The following WWP2 variants were observed in gnomAD, a reference collection of about 807,000 sequenced individuals.
WWP2 encodes the protein WW domain containing E3 ubiquitin protein ligase 2.
Under a neutral mutation model 121.0 loss-of-function variants are expected in WWP2, and 57 were observed. That is an observed-to-expected ratio of 0.47 (90% CI 0.38 to 0.59). The LOEUF (loss-of-function observed/expected upper bound fraction) is 0.59. Among genes scored for constraint, WWP2 ranks in the 20% least tolerant of loss-of-function variants. The pLI, the probability that WWP2 is intolerant of heterozygous loss-of-function variation, is 0.00. For synonymous variants in WWP2, 449 were observed against 441.3 expected (o/e 1.02, Z -0.22); for missense variants, 962 against 1,158.9 (o/e 0.83, Z 2.47).
At chr16:69,929,606 G>T (rs1463484753) in intron 12 of WWP2, 77 bp downstream of exon 12, 4 of 1,321,640 alleles carry the variant, frequency 3.0e-6, no homozygotes, top group Non-Finnish European at 4.3e-6. Flanking sequence ...GGTGGCTTTG[G>T]ACTGCATCGT....
chr16:69,885,194 T>C (rs927066975), intron 7 of WWP2, among the ~76,000 whole-genome samples: 2 of 152,074 alleles, frequency 1.3e-5, no homozygotes, highest in Non-Finnish European at 2.9e-5. Context: ...GTTTTCCTAA[T>C]AAATTTTAGA....
At chr16:69,861,645 C>CTTTTTTT (rs11390043) in intron 6 of WWP2, among the ~76,000 whole-genome samples, 1 of 136,080 alleles carries the variant, frequency 7.3e-6, no homozygotes, top group Non-Finnish European at 1.6e-5. Context: ...CCGCCCTCTC[C>CTTTTTTT]TTTTTTTTTT....
chr16:69,833,304 T>C (rs1351471896), intron 4 of WWP2, among the ~76,000 whole-genome samples: 1 of 152,252 alleles, frequency 6.6e-6, no homozygotes, highest in Non-Finnish European at 1.5e-5. Flanking sequence ...CTTTACAGTT[T>C]CCCACACTTT....
rs140801960 is a variant in WWP2 at position 69,812,240 on chromosome 16, A to C, written c.340+12945A>C. Among the ~76,000 whole-genome samples the C allele has an allele frequency of 7.1e-3, 929 of 130,086 alleles. 7 individuals carry two copies. Among genetic ancestry groups the C allele is most frequent in the African/African-American group, 0.026 (866 of 33,150 alleles). 85.3% of individuals were successfully genotyped at this position (130,086 alleles called of 152,430 possible). On this transcript the variant is annotated intron_variant, in intron 4 of 23. Transcript: ENST00000359154. ...GGAGTGCAATGACATGATCTTGGCT[A>C]ACTGCAACCTCTGCCTCCTGGTTCA...
chr16:69,784,955 G>T (rs375843246), intron 1 of WWP2, among the ~76,000 whole-genome samples: 1 of 151,744 alleles, frequency 6.6e-6, no homozygotes. Flanking sequence ...AGAAAGAGTG[G>T]TCGAGTGCAG....
intron 7 of WWP2, among the ~76,000 whole-genome samples, chr16:69,875,137 A>C (rs1424126728): frequency 6.6e-6 from 1 of 152,256 alleles, no homozygotes; most frequent in Non-Finnish European, 1.5e-5. Context: ...AATAAAGTGA[A>C]TATCACAAAA....
chr16:69,848,714 G>T (rs1346833738), intron 6 of WWP2, among the ~76,000 whole-genome samples: 1 of 149,902 alleles, frequency 6.7e-6, no homozygotes, highest in Non-Finnish European at 1.5e-5. Flanking sequence ...ATGTGTATAT[G>T]TATTTAAGCT....
At chr16:69,938,587 C>T (rs2058834142) in intron 21 of WWP2, among the ~76,000 whole-genome samples, 1 of 152,216 alleles carries the variant, frequency 6.6e-6, no homozygotes, top group African/African-American at 2.4e-5. Context: ...CACTGCTCTG[C>T]AGTGAGCTGG....
chr16:69,875,086 C>T (rs1249614659), intron 7 of WWP2, among the ~76,000 whole-genome samples: 1 of 151,704 alleles, frequency 6.6e-6, no homozygotes, highest in East Asian at 1.9e-4. Flanking sequence ...AAATTACAGA[C>T]ACACCTTCAA....
intron 2 of WWP2, among the ~76,000 whole-genome samples, chr16:69,790,415 C>G (rs1597669880): frequency 6.6e-6 from 1 of 152,022 alleles, no homozygotes; most frequent in East Asian, 1.9e-4. Context: ...GGTCTTCATC[C>G]TCATCATTTT....
intron 8 of WWP2, among the ~76,000 whole-genome samples, chr16:69,888,976 G>C (rs1268545643): frequency 6.6e-6 from 1 of 152,198 alleles, no homozygotes; most frequent in African/African-American, 2.4e-5. Context: ...AAAGTGCTGG[G>C]ATTACAGGCA....
intron 4 of WWP2, among the ~76,000 whole-genome samples, chr16:69,822,278 T>A (rs551994423): frequency 2.0e-5 from 3 of 152,286 alleles, no homozygotes; most frequent in African/African-American, 7.2e-5. Context: ...TGAGCCTTGC[T>A]TGTAGCAGGG....
At chr16:69,826,723 CAAA>C (rs201663365) in intron 4 of WWP2, among the ~76,000 whole-genome samples, 54,664 of 136,266 alleles carry the variant, frequency 0.4, 10,581 homozygotes, top group East Asian at 0.5. Flanking sequence ...AATAAAAATA[CAAA>C]AAAAAAAAAA....
intron 9 of WWP2, among the ~76,000 whole-genome samples, chr16:69,912,916 TACAAAACAAAAAAAAAAAAAAAAAAA>T (rs1567427071): frequency 4.8e-3 from 4 of 836 alleles, no homozygotes; most frequent in South Asian, 0.12. Context: ...AACCAGTCTC[TACAAAACAAAAAAAAAAAAAAAAAAA>T]AAAAAAAAAA....
At chr16:69,836,555 G>A (rs1399763321) in intron 4 of WWP2, among the ~76,000 whole-genome samples, 3 of 152,008 alleles carry the variant, frequency 2.0e-5, no homozygotes, top group Non-Finnish European at 4.4e-5. Context: ...GTTCTCAAAA[G>A]TTTAGTTTAA....
intron 6 of WWP2, among the ~76,000 whole-genome samples, chr16:69,845,399 C>T (rs1228046072): frequency 1.3e-5 from 2 of 152,058 alleles, no homozygotes; most frequent in African/African-American, 4.8e-5. Context: ...CAAGGGCAGT[C>T]CTTTGCTGTC....
chr16:69,791,284 G>T (rs1197748705), intron 2 of WWP2, among the ~76,000 whole-genome samples: 1 of 151,404 alleles, frequency 6.6e-6, no homozygotes, highest in African/African-American at 2.4e-5. Context: ...CTGGAGTGCA[G>T]TGGCGTGATC....
intron 6 of WWP2, among the ~76,000 whole-genome samples, chr16:69,862,675 G>T: frequency 6.9e-6 from 1 of 145,928 alleles, no homozygotes; most frequent in Admixed American, 6.8e-5. Flanking sequence ...AGAAAAGTAT[G>T]CTTGGAACCT....
chr16:69,858,720 T>A (rs960736023), intron 6 of WWP2, among the ~76,000 whole-genome samples: 1 of 152,224 alleles, frequency 6.6e-6, no homozygotes, highest in Non-Finnish European at 1.5e-5. Context: ...GACACATAAA[T>A]AAGTCTTGTT....
Sources: gnomAD v4.1 joint callset for allele counts (sites outside exome capture counted in the v4.1 genomes callset) on GRCh38, gnomAD v4.1.1 for gene constraint, MANE v1.5 for transcripts, NCBI Gene and HGNC (gene_info 2026-07-23, HGNC 2026-07-21) for gene names.